PTPN3: variants seen among roughly 807,000 people sequenced by gnomAD.
PTPN3 encodes the protein tyrosine-protein phosphatase non-receptor type 3.
In PTPN3, 96 loss-of-function variants were observed where a neutral mutation model predicts 132.7. The observed-to-expected ratio is 0.72, with a 90% CI of 0.61 to 0.86. PTPN3 has a LOEUF of 0.86. Ranked by LOEUF, PTPN3 falls within the 40% of genes least tolerant of loss-of-function variation. The pLI, the probability that PTPN3 is intolerant of heterozygous loss-of-function variation, is 0.00. For synonymous variants in PTPN3, 398 were observed against 429.0 expected, an observed-to-expected ratio of 0.93 and a Z score of 0.89; for missense variants, 1,125 against 1,159.6, an observed-to-expected ratio of 0.97 and a Z score of 0.43.
At chr9:109,469,654 T>C (rs1042631754) in intron 1 of PTPN3, among the ~76,000 whole-genome samples, 4 of 152,200 alleles carry the variant, frequency 2.6e-5, no homozygotes, top group African/African-American at 7.2e-5. Context: ...CATATTCTTA[T>C]TTTTTAAAGT....
At chr9:109,527,618 G>A in the PTPN3 span, among the ~76,000 whole-genome samples, 3 of 152,196 alleles carry the variant, frequency 2.0e-5, no homozygotes, top group Non-Finnish European at 2.9e-5. Flanking sequence ...TAGAAGAATT[G>A]TAATGTTCCC....
At chr9:109,451,369 C>T (rs572294560) in intron 5 of PTPN3, 27 of 970,718 alleles carry the variant, frequency 2.8e-5, no homozygotes, top group African/African-American at 8.8e-5. Flanking sequence ...TACTCCACAA[C>T]GGGATACCAC....
At chr9:109,499,830 A>G (rs1303243135), upstream of PTPN3, among the ~76,000 whole-genome samples, 1 of 152,132 alleles carries the variant, frequency 6.6e-6, no homozygotes, top group South Asian at 2.1e-4. Context: ...CCCGGAGTCC[A>G]GGGGCAGGAC....
chr9:109,438,444 A>G (rs117917939), intron 7 of PTPN3, among the ~76,000 whole-genome samples: 3 of 152,314 alleles, frequency 2.0e-5, no homozygotes, highest in Non-Finnish European at 4.4e-5. Context: ...ATCACACATG[A>G]TCCAATCAAA....
intron 1 of PTPN3, among the ~76,000 whole-genome samples, chr9:109,468,193 C>G (rs1403130895): frequency 1.3e-5 from 2 of 152,174 alleles, no homozygotes; most frequent in Non-Finnish European, 2.9e-5. Context: ...AGCCACAACC[C>G]AACCAGGAAC....
the PTPN3 span, among the ~76,000 whole-genome samples, chr9:109,535,268 A>C: frequency 6.6e-6 from 1 of 152,206 alleles, no homozygotes; most frequent in Non-Finnish European, 1.5e-5. Flanking sequence ...ATGATCATTC[A>C]CTGGCCGGCA....
intron 7 of PTPN3, among the ~76,000 whole-genome samples, chr9:109,441,279 GATA>G (rs1238125801): frequency 6.6e-6 from 1 of 151,406 alleles, no homozygotes; most frequent in African/African-American, 2.4e-5. Flanking sequence ...TCTTCTGGTT[GATA>G]ATATTTTATG....
intron 1 of PTPN3, among the ~76,000 whole-genome samples, chr9:109,467,529 C>T (rs866384538): frequency 2.0e-5 from 3 of 152,026 alleles, no homozygotes; most frequent in African/African-American, 4.8e-5. Flanking sequence ...ACAGGCTCTG[C>T]GGAATCTAAG....
intron 1 of PTPN3, among the ~76,000 whole-genome samples, chr9:109,468,632 C>T (rs374966584): frequency 3.9e-5 from 6 of 152,080 alleles, no homozygotes; most frequent in East Asian, 3.9e-4. Context: ...TCCCAAAGTG[C>T]TGGGATTACA....
At chr9:109,458,218 G>A (rs886890073) in intron 2 of PTPN3, among the ~76,000 whole-genome samples, 7 of 152,180 alleles carry the variant, frequency 4.6e-5, no homozygotes, top group Non-Finnish European at 1.5e-5. Context: ...CATCTCGACT[G>A]GGGCCGTAGA....
the PTPN3 span, among the ~76,000 whole-genome samples, chr9:109,509,220 T>A: frequency 6.6e-6 from 1 of 152,298 alleles, no homozygotes; most frequent in Non-Finnish European, 1.5e-5. Context: ...CCTCTTAGTG[T>A]CTCATGGTTT....
At chr9:109,480,872 G>A (rs1279562353) in intron 1 of PTPN3, among the ~76,000 whole-genome samples, 2 of 152,080 alleles carry the variant, frequency 1.3e-5, no homozygotes, top group Non-Finnish European at 2.9e-5. Context: ...CCCAACAGGT[G>A]CTCAATAATT....
chr9:109,433,314 G>A (rs1843793793), intron 9 of PTPN3, among the ~76,000 whole-genome samples, 153 bp from the exon 10 acceptor site: 2 of 152,118 alleles, frequency 1.3e-5, no homozygotes, highest in African/African-American at 4.8e-5. Context: ...CCCACTTAAC[G>A]GATACTTAAG....
intron 22 of PTPN3, among the ~76,000 whole-genome samples, chr9:109,387,007 G>A (rs1381442048): frequency 6.6e-6 from 1 of 152,204 alleles, no homozygotes; most frequent in Non-Finnish European, 1.5e-5. Flanking sequence ...GTGAGTGGAT[G>A]TGGGAAGTGA....
chr9:109,420,834 A>G (rs190297812), intron 13 of PTPN3, among the ~76,000 whole-genome samples: 17 of 152,300 alleles, frequency 1.1e-4, no homozygotes, highest in African/African-American at 3.6e-4. Flanking sequence ...TCAGCTGTAT[A>G]AACAGGCAGA....
chr9:109,438,072 C>T, intron 8 of PTPN3, 42 bp downstream of exon 8: 2 of 1,576,446 alleles, frequency 1.3e-6, no homozygotes, highest in Non-Finnish European at 1.7e-6. Context: ...CTGAAAATAC[C>T]CAACCCAAGT....
chr9:109,395,772 G>A (rs1840530697), intron 19 of PTPN3, among the ~76,000 whole-genome samples: 1 of 151,856 alleles, frequency 6.6e-6, no homozygotes, highest in Non-Finnish European at 1.5e-5. Context: ...GGGAGACAGA[G>A]GAAGACCCTG....
chr9:109,496,144 G>C (rs959538730), intron 1 of PTPN3, among the ~76,000 whole-genome samples: 2 of 152,214 alleles, frequency 1.3e-5, no homozygotes. Context: ...GAAAACGCAG[G>C]ATCAATACAG....
At chr9:109,470,668 C>T (rs1846334831) in intron 1 of PTPN3, among the ~76,000 whole-genome samples, 1 of 150,436 alleles carries the variant, frequency 6.6e-6, no homozygotes, top group Non-Finnish European at 1.5e-5. Context: ...TGCTCTGCAG[C>T]CTGGGCAACA....
Sources: allele counts gnomAD v4.1 joint callset (sites outside exome capture counted in the v4.1 genomes callset), GRCh38; gene constraint gnomAD v4.1.1; transcripts MANE v1.5; gene names NCBI Gene and HGNC (gene_info 2026-07-23, HGNC 2026-07-21).